The following MAST3 variants were observed in gnomAD, a reference collection of about 807,000 sequenced individuals.
MAST3 encodes the protein microtubule-associated serine/threonine-protein kinase 3.
MAST3 carries 43 observed loss-of-function variants against 127.0 expected under a neutral mutation model. The observed-to-expected ratio is 0.34, with a 90% confidence interval of 0.27 to 0.44. The LOEUF is 0.44. MAST3 is among the 20% of genes least tolerant of loss of function. The pLI is 1.00. For synonymous variants in MAST3, 785 were observed against 809.2 expected (o/e 0.97, Z 0.51); for missense variants, 1,390 against 1,919.1 (o/e 0.72, Z 5.15).
At chr19:18,122,240 CCT>C in intron 5 of MAST3, 2 of 571,288 alleles carry the variant, frequency 3.5e-6, no homozygotes, top group Non-Finnish European at 4.4e-6. Flanking sequence ...TGATTGAGCA[CCT>C]GTCATGTGCC....
Position 18,147,583 on chromosome 19 carries a change from C to T in MAST3, c.3467C>T (p.Pro1156Leu), listed in dbSNP as rs753833492. 2 of 1,574,094 alleles carry T rather than the reference C, an allele frequency of 1.3e-6. No individual in the cohort carries two copies. Among genetic ancestry groups the T allele is most frequent in the Non-Finnish European group, 8.6e-7 (1 of 1,160,436 alleles). The change falls in exon 27 of 28, where the codon CCC becomes CTC. Residue 1156 changes from proline to leucine, a missense_variant. Physicochemically the swap from Pro to Leu is moderately conservative, Grantham distance 98 (BLOSUM62 -3). Around this residue, in one of 5 missense-constraint regions of MAST3, gnomAD observed 816 missense variants for 934.1 expected, o/e 0.87. Transcript: ENST00000687212. ...GSPTHSLSPS[P>L]TTPCRSPAPD... ...CCCACCCACAGCCTCTCCCCCAGCC[C>T]CACCACTCCCTGCCGAAGCCCAGCC...
At position 18,123,334 on chromosome 19, in the gene MAST3, G is replaced by A. The variant is rs370052741; in HGVS notation, c.517G>A (p.Gly173Ser). 1,489 of 1,613,330 alleles carry A rather than the reference G, an allele frequency of 9.2e-4. 2 individuals are homozygous for A. Among genetic ancestry groups the A allele is most frequent in the Non-Finnish European group, 1.2e-3 (1,438 of 1,179,842 alleles). ...AGAGAATGTGCTTGATGAGGAAGGCGGCCGGTCACCCCGCCTCCGACCCCG... is the reference window on the plus strand; with the variant it reads ...AGAGAATGTGCTTGATGAGGAAGGCAGCCGGTCACCCCGCCTCCGACCCCG... ...SSENVLDEEG[G>S]RSPRLRPRSR... Residue 173 changes from glycine (G) to serine (S), a missense_variant, in exon 7 of 28, where the codon GGC (glycine) becomes AGC (serine). By Grantham distance (56) the Gly-to-Ser change is moderately conservative (BLOSUM62 0). Around this residue, in one of 5 missense-constraint regions of MAST3, gnomAD observed 277 missense variants for 384.8 expected, o/e 0.72. Coordinates refer to ENST00000687212, the MANE Select transcript of MAST3 (RefSeq NM_001393504.1).
intron 5 of MAST3, 144 bp from the exon 6 acceptor site, chr19:18,122,529 C>T (rs879700110): frequency 2.2e-5 from 16 of 714,122 alleles, no homozygotes; most frequent in Non-Finnish European, 4.0e-5. Context: ...TGGACTTGGT[C>T]AGCCTGTGTC....
At chr19:18,122,171 T>TG in intron 5 of MAST3, 1 of 973,456 alleles carries the variant, frequency 1.0e-6, no homozygotes, top group South Asian at 4.8e-5. Flanking sequence ...TGGGGGGATA[T>TG]AGCCCTAAGA....
At chr19:18,125,353 CA>C (rs1191149205) in intron 11 of MAST3, among the ~76,000 whole-genome samples, 1 of 152,228 alleles carries the variant, frequency 6.6e-6, no homozygotes, top group Non-Finnish European at 1.5e-5. Flanking sequence ...TGCAAATTCA[CA>C]AATGACTTTA....
In MAST3 at chr19:18,150,073, G is replaced by A. The variant is rs1388766698; in HGVS notation, c.*347G>A. On this transcript the variant is annotated 3_prime_UTR_variant, in exon 28 of 28. Transcript: ENST00000687212. ...GTGATCTCAGCTCACTGCAACCTCC[G>A]CCTCCCAAGTTCAAGCGATTGTCCT... is the stretch of plus-strand genomic sequence containing the variant. The A allele has an allele frequency of 1.3e-5, 3 of 231,960 alleles. No individual in the cohort carries two copies. The highest frequency in any genetic ancestry group is 2.4e-5 in the Non-Finnish European group (3 of 123,490). 14.4% of individuals were successfully genotyped at this position (231,960 alleles called of 1,614,324 possible).
intron 1 of MAST3, among the ~76,000 whole-genome samples, chr19:18,098,100 C>G (rs2037154736): frequency 6.6e-6 from 1 of 152,112 alleles, no homozygotes; most frequent in Admixed American, 6.5e-5. Flanking sequence ...CTGCCCCTCC[C>G]CACCAGCTGT....
intron 1 of MAST3, among the ~76,000 whole-genome samples, chr19:18,106,657 C>T (rs1021900806): frequency 2.6e-5 from 4 of 151,486 alleles, no homozygotes; most frequent in Admixed American, 2.0e-4. Flanking sequence ...CTGCAACCTC[C>T]GCCTCCCGGG....
intron 6 of MAST3, 78 bp from the exon 7 acceptor site, chr19:18,123,139 C>T: frequency 6.6e-7 from 1 of 1,514,996 alleles, no homozygotes; most frequent in Non-Finnish European, 9.1e-7. Context: ...CAGCCTGGGC[C>T]TTGAGGGGTG....
chr19:18,130,563 C>T lies in MAST3; in HGVS notation c.1293C>T (p.Asn431=). 6.2e-7 allele frequency: 1 copy of T among 1,613,100 alleles called. No homozygotes were observed. Among genetic ancestry groups the T allele is most frequent in the Non-Finnish European group, 8.5e-7 (1 of 1,179,486 alleles). The change falls in exon 14 of 28, where the codon AAC becomes AAT. Residue 431 remains asparagine (N), a synonymous_variant. Coordinates refer to ENST00000687212, the MANE Select transcript of MAST3 (RefSeq NM_001393504.1). Reference sequence around the variant, plus strand: ...CCATCAAGAAGATCAACAAACAGAACTTGATCCTGCGTAACCAGATCCAGC... The same window carrying T: ...CCATCAAGAAGATCAACAAACAGAATTTGATCCTGCGTAACCAGATCCAGC... The part of the protein sequence containing the change: ...RFAIKKINKQ[N]LILRNQIQQV...
intron 8 of MAST3, 91 bp from the exon 9 acceptor site, chr19:18,123,848 T>G: frequency 8.1e-7 from 1 of 1,239,562 alleles, no homozygotes; most frequent in Non-Finnish European, 1.1e-6. Context: ...CCCCATCTCC[T>G]CTCTCCCCAA....
chr19:18,110,506 C>G lies in MAST3; in HGVS notation c.72-146C>G, dbSNP rs966574020. ...CCCTCCCGGGCCATCGGTCTGGCCC[C>G]GCCCTCACGTCCTGAGCTGAACCCA... On this transcript the variant is annotated intron_variant, in intron 2 of 27. Coordinates refer to ENST00000687212, the MANE Select transcript of MAST3 (RefSeq NM_001393504.1). The surrounding 1 kb of genome is among the most constrained non-coding windows in gnomAD (Gnocchi z 4.3). The G allele has an allele frequency of 2.3e-5, 20 of 884,064 alleles. No individual in the cohort carries two copies. In the African/African-American group the frequency reaches 3.6e-4, roughly 16 times the overall value. The allele number at this position is 884,064 out of a possible 1,614,324, so 54.8% of individuals were successfully genotyped here. A position where few individuals can be genotyped will look rare whatever the true frequency, so the allele number is the denominator to read the frequency against.
chr19:18,132,162 G>A (rs765606731), intron 15 of MAST3, 115 bp downstream of exon 15: 36 of 1,403,982 alleles, frequency 2.6e-5, no homozygotes, highest in Non-Finnish European at 3.5e-5. Flanking sequence ...GACCCTTCAG[G>A]AGCCCCATCT....
In MAST3 at chr19:18,122,243, G is replaced by C. The variant is rs978784334; in HGVS notation, c.320+321G>C. 9.3e-6 allele frequency: 5 copies of C among 538,862 alleles called. No homozygotes were observed. The African/African-American group carries it at 1.0e-4, about 11-fold the overall frequency. The allele number at this position is 538,862 out of a possible 1,614,324, so 33.4% of individuals were successfully genotyped here. A position where few individuals can be genotyped will look rare whatever the true frequency, so the allele number is the denominator to read the frequency against. On this transcript the variant is annotated intron_variant, in intron 5 of 27. Coordinates refer to ENST00000687212, the MANE Select transcript of MAST3 (RefSeq NM_001393504.1). ...CTTAACAAGAGCTGATTGAGCACCT[G>C]TCATGTGCCAGACGCTTGCATTTCA...
rs1281119686 is a variant in MAST3 at position 18,143,977 on chromosome 19, C to T, written c.2554C>T (p.Pro852Ser). ...GCCTGACCCCCCACCAGCGGCCACC[C>T]CAGTGATGCCCAAGCCCTCGAGCCT... Reference protein sequence around the residue: ...GEPDPPPAATPVMPKPSSLSA... With the variant: ...GEPDPPPAATSVMPKPSSLSA... Residue 852 changes from proline (P) to serine (S), a missense_variant, in exon 22 of 28, where the codon CCA (proline) becomes TCA (serine). Physicochemically the swap from Pro to Ser is moderately conservative, Grantham distance 74. Around this residue, in one of 5 missense-constraint regions of MAST3, gnomAD observed 816 missense variants for 934.1 expected, o/e 0.87. Coordinates refer to ENST00000687212, the MANE Select transcript of MAST3 (RefSeq NM_001393504.1). The T allele has an allele frequency of 1.3e-6, 2 of 1,584,350 alleles. No individual in the cohort carries two copies.
At position 18,149,306 on chromosome 19, in the gene MAST3, AC is replaced by A; in HGVS notation, c.3628del (p.Arg1210AlafsTer130). On this transcript the variant is annotated frameshift_variant, in exon 28 of 28. Transcript: ENST00000687212. LOFTEE classifies it low-confidence loss of function (END_TRUNC). This position sits in a 1 kb window ranked among gnomAD's most constrained non-coding sequence, Gnocchi z 5.9. ...ACGGCCTGGCTGCCAAGCTTGGGCC[AC>A]CCCGCCCCAAGACTGGCCGCCGCAA... ...LHGLAAKLGP[P>X]RPKTGRRKST... is the part of the protein sequence containing the mutation. The A allele has an allele frequency of 1.3e-6, 2 of 1,522,602 alleles. No individual in the cohort carries two copies. The highest frequency in any genetic ancestry group is 2.6e-5 in the East Asian group (1 of 37,862). The allele number at this position is 1,522,602 out of a possible 1,614,324, so 94.3% of individuals were successfully genotyped here. A position where few individuals can be genotyped will look rare whatever the true frequency, so the allele number is the denominator to read the frequency against.
intron 20 of MAST3, among the ~76,000 whole-genome samples, chr19:18,140,108 C>T (rs1041960333): frequency 6.6e-6 from 1 of 151,976 alleles, no homozygotes; most frequent in Non-Finnish European, 1.5e-5. Flanking sequence ...CGTGAGCCAC[C>T]GTGCCCGGCC....
chr19:18,122,154 G>A, intron 5 of MAST3: 1 of 983,628 alleles, frequency 1.0e-6, no homozygotes, highest in Non-Finnish European at 1.2e-6. Flanking sequence ...CAGGGGGTGG[G>A]GGGTCATGGG....
chr19:18,103,213 G>A (rs1036479153), intron 1 of MAST3, among the ~76,000 whole-genome samples: 9 of 152,076 alleles, frequency 5.9e-5, no homozygotes, highest in Admixed American at 5.9e-4. Context: ...GGGAGCTGCC[G>A]ATTTTGCCTC....
Sources: gnomAD v4.1 joint callset for allele counts (sites outside exome capture counted in the v4.1 genomes callset) on GRCh38, gnomAD v4.1.1 for gene constraint, gnomAD v4.1.1 regional missense constraint, Gnocchi (gnomAD v3.1) non-coding constraint, MANE v1.5 for transcripts, NCBI Gene and HGNC (gene_info 2026-07-23, HGNC 2026-07-21) for gene names.